Variants in KHDC1 observed in about 807,000 individuals in gnomAD.
KHDC1 encodes the protein KH homology domain-containing protein 1.
Under a neutral mutation model 24.7 loss-of-function variants are expected in KHDC1, and 21 were observed. The ratio of observed to expected loss-of-function variants is 0.85; its 90% confidence interval spans 0.60 to 1.23. The LOEUF (loss-of-function observed/expected upper bound fraction) is 1.23. Among genes scored for constraint, KHDC1 ranks in the 50% most tolerant of loss-of-function variants. The pLI is 0.00. For missense variants in KHDC1, 274 were observed against 298.5 expected (o/e 0.92, Z 0.61); for synonymous variants, 98 against 111.7 (o/e 0.88, Z 0.77).
At chr6:73,299,341 C>G (rs1167976207) in intron 1 of KHDC1, 1 of 152,260 alleles carries the variant, frequency 6.6e-6, no homozygotes, top group Non-Finnish European at 1.5e-5. Flanking sequence ...GGGACTGACG[C>G]CTCCGACGAC....
intron 1 of KHDC1, chr6:73,299,956 G>A (rs191692779): frequency 1.3e-5 from 2 of 152,370 alleles, no homozygotes; most frequent in African/African-American, 4.8e-5. Context: ...GAGGCCCTAG[G>A]CTGGTTCCCC....
At chr6:73,272,859 TTTC>T (rs1240654507) in intron 2 of KHDC1, among the ~76,000 whole-genome samples, 4 of 140,550 alleles carry the variant, frequency 2.8e-5, no homozygotes, top group African/African-American at 8.7e-5. Context: ...TTCTTTTCTT[TTTC>T]TTTTTTTTTT....
intron 2 of KHDC1, among the ~76,000 whole-genome samples, chr6:73,255,001 T>A (rs1479735935): frequency 6.7e-6 from 1 of 149,170 alleles, no homozygotes; most frequent in Non-Finnish European, 1.5e-5. Flanking sequence ...AGACTCCGTC[T>A]CAAAAAGAAA....
chr6:73,247,817 C>G (rs1187879238), intron 2 of KHDC1, among the ~76,000 whole-genome samples: 1 of 144,812 alleles, frequency 6.9e-6, no homozygotes, highest in Non-Finnish European at 1.5e-5. Context: ...CATTGCACCA[C>G]TGCACTCCAG....
rs117215444 is a variant in KHDC1 at position 73,251,981 on chromosome 6, C to G, written c.207-9451G>C. Among the ~76,000 whole-genome samples, 41 of 151,744 alleles carry G rather than the reference C, an allele frequency of 2.7e-4. 1 individual carries two copies. The East Asian group carries it at 5.6e-3, about 21-fold the overall frequency. On this transcript the variant is annotated intron_variant, in intron 2 of 4. Transcript: ENST00000370384. ...CAAGCAATTGGCCCATATCAGCCTCCCAGAGTAGAGGGGTTATAGGCGTGA... is the reference window on the plus strand; with the variant it reads ...CAAGCAATTGGCCCATATCAGCCTCGCAGAGTAGAGGGGTTATAGGCGTGA...
At position 73,241,569 on chromosome 6, in the gene KHDC1, A is replaced by G; in HGVS notation, c.674T>C (p.Ile225Thr). ...ACTCAAATGGAAACCCGAACAACCAATCACTTGGTAAGGGGAAGGCTGAGG... is the reference window on the plus strand; with the variant it reads ...ACTCAAATGGAAACCCGAACAACCAGTCACTTGGTAAGGGGAAGGCTGAGG... The change falls in exon 5 of 5, where the codon ATT becomes ACT. Residue 225 changes from isoleucine (I) to threonine (T), a missense_variant. Ile to Thr is a moderately conservative substitution (Grantham distance 89, BLOSUM62 -1). Coordinates refer to ENST00000370384, the Ensembl canonical transcript of KHDC1. 1.9e-6 allele frequency: 3 copies of G among 1,614,082 alleles called. No individual in the cohort carries two copies. Among genetic ancestry groups the G allele is most frequent in the Non-Finnish European group, 2.5e-6 (3 of 1,179,998 alleles).
At chr6:73,285,834 A>G (rs1767510098) in intron 2 of KHDC1, among the ~76,000 whole-genome samples, 1 of 152,084 alleles carries the variant, frequency 6.6e-6, no homozygotes, top group Admixed American at 6.6e-5. Context: ...CAGGCTTTCC[A>G]GATTTTGGTC....
chr6:73,279,785 G>A (rs1320126895), intron 2 of KHDC1, among the ~76,000 whole-genome samples: 3 of 151,960 alleles, frequency 2.0e-5, no homozygotes, highest in African/African-American at 4.8e-5. Context: ...TTGCTGTGTT[G>A]CCAGGCTGAT....
At chr6:73,279,466 A>G (rs1005605571) in intron 2 of KHDC1, among the ~76,000 whole-genome samples, 2 of 152,022 alleles carry the variant, frequency 1.3e-5, no homozygotes, top group East Asian at 1.9e-4. Context: ...AAATCTCTCT[A>G]TATGCTCTAC....
intron 2 of KHDC1, among the ~76,000 whole-genome samples, chr6:73,254,909 G>A (rs1384354143): frequency 6.6e-6 from 1 of 152,056 alleles, no homozygotes; most frequent in Non-Finnish European, 1.5e-5. Flanking sequence ...GGCTGAGGCA[G>A]GAGAATGGCG....
chr6:73,241,761 G>C (rs1434575398), intron 4 of KHDC1, 33 bp from the exon 4 acceptor site: 2 of 1,611,884 alleles, frequency 1.2e-6, no homozygotes, highest in Middle Eastern at 1.7e-4. Context: ...TAATGAACCA[G>C]GGCCCATAAC....
At chr6:73,272,856 C>CT (rs1158620688) in intron 2 of KHDC1, among the ~76,000 whole-genome samples, 5,171 of 134,858 alleles carry the variant, frequency 0.038, 226 homozygotes, top group African/African-American at 0.064. Flanking sequence ...CTTTTCTTTT[C>CT]TTTTTCTTTT....
At chr6:73,250,230 C>T (rs1766753217) in intron 2 of KHDC1, among the ~76,000 whole-genome samples, 1 of 152,154 alleles carries the variant, frequency 6.6e-6, no homozygotes, top group African/African-American at 2.4e-5. Flanking sequence ...TGGACACTAA[C>T]TCCTAACATC....
intron 2 of KHDC1, among the ~76,000 whole-genome samples, chr6:73,283,880 C>A (rs1767465005): frequency 6.6e-6 from 1 of 151,736 alleles, no homozygotes; most frequent in African/African-American, 2.4e-5. Context: ...TGGCACCATT[C>A]TTTCCTCTTT....
chr6:73,263,293 A>G (rs1767020958), intron 2 of KHDC1, 97 bp from the exon 1 acceptor site: 1 of 985,458 alleles, frequency 1.0e-6, no homozygotes, highest in Non-Finnish European at 1.2e-6. Context: ...TGCGGAGCCC[A>G]CTGCCGGCGC....
intron 2 of KHDC1, among the ~76,000 whole-genome samples, chr6:73,243,408 T>TGGGGTTCA (rs1268168548): frequency 9.1e-6 from 1 of 109,666 alleles, no homozygotes; most frequent in Non-Finnish European, 2.0e-5. Context: ...ATTTCATCTG[T>TGGGGTTCA]GGGGTTCAGA....
chr6:73,270,349 A>C (rs80018224), intron 2 of KHDC1: 1 of 152,162 alleles, frequency 6.6e-6, no homozygotes, highest in African/African-American at 2.4e-5. Context: ...TTTTTTGTAG[A>C]GTTTGTAGTT....
chr6:73,284,305 TA>T (rs1358756929), intron 2 of KHDC1, among the ~76,000 whole-genome samples: 5 of 152,232 alleles, frequency 3.3e-5, no homozygotes, highest in African/African-American at 9.6e-5. Context: ...ATCACTATTG[TA>T]AAACCTAAGA....
chr6:73,306,517 A>C (rs1315906917), intron 1 of KHDC1, among the ~76,000 whole-genome samples: 1 of 152,148 alleles, frequency 6.6e-6, no homozygotes, highest in Non-Finnish European at 1.5e-5. Flanking sequence ...GTTTCTGAGA[A>C]TCTCACTCCT....
Sources: allele counts gnomAD v4.1 joint callset (sites outside exome capture counted in the v4.1 genomes callset), GRCh38; gene constraint gnomAD v4.1.1; transcripts MANE v1.5; gene names NCBI Gene and HGNC (gene_info 2026-07-23, HGNC 2026-07-21).